VPS13C: variants seen among roughly 807,000 people sequenced by gnomAD.
VPS13C encodes intermembrane lipid transfer protein VPS13C.
Under a neutral mutation model 456.8 loss-of-function variants are expected in VPS13C, and 358 were observed. The ratio of observed to expected loss-of-function variants is 0.78; its 90% CI spans 0.72 to 0.86. The LOEUF (loss-of-function observed/expected upper bound fraction) is 0.86, where lower values mean the gene tolerates loss of function less well. Ranked by LOEUF, VPS13C falls within the 40% of genes least tolerant of loss-of-function variation. The probability of loss-of-function intolerance (pLI) is 0.00; values close to 1 mark genes in which losing one functional copy is unlikely to be tolerated. For missense variants in VPS13C, 4,818 were observed against 4,385.4 expected (o/e 1.10, Z -2.79); for synonymous variants, 1,578 against 1,486.7 (o/e 1.06, Z -1.41).
At position 62,013,931 on chromosome 15, in the gene VPS13C, A is replaced by AC; in HGVS notation, c.744+1dup. Reference sequence around the variant, plus strand: ...ACAAAAATTTTTATTCCAACATAATACCTTGTATATAATTTTGTCTGCTTC... The same window carrying AC: ...ACAAAAATTTTTATTCCAACATAATACCCTTGTATATAATTTTGTCTGCTTC... On this transcript the variant is annotated splice_donor_variant, in intron 10 of 84. Transcript: ENST00000644861. LOFTEE classifies it high-confidence loss of function. 1.2e-6 allele frequency: 2 copies of AC among 1,603,180 alleles called. No individual in the cohort carries two copies. Among genetic ancestry groups the AC allele is most frequent in the Non-Finnish European group, 1.7e-6 (2 of 1,174,090 alleles).
intron 66 of VPS13C, among the ~76,000 whole-genome samples, chr15:61,891,414 A>T (rs772013423): frequency 3.3e-5 from 5 of 152,194 alleles, no homozygotes; most frequent in Non-Finnish European, 7.3e-5. Flanking sequence ...AAGGTACATT[A>T]TGTGATCAAA....
intron 3 of VPS13C, among the ~76,000 whole-genome samples, chr15:62,039,366 A>T (rs1033657432): frequency 6.6e-6 from 1 of 152,174 alleles, no homozygotes; most frequent in Non-Finnish European, 1.5e-5. Flanking sequence ...TCTCACTTAC[A>T]AGTAGGAGCT....
At chr15:61,920,467 T>A (rs780621321) in intron 56 of VPS13C, 31 bp downstream of exon 56, 1 of 1,502,984 alleles carries the variant, frequency 6.7e-7, no homozygotes, top group East Asian at 2.3e-5. Context: ...AAAATTCCAC[T>A]TGAAATATTC....
intron 66 of VPS13C, 164 bp downstream of exon 66, chr15:61,907,100 G>T: frequency 1.1e-6 from 1 of 888,282 alleles, no homozygotes; most frequent in Non-Finnish European, 1.8e-6. Context: ...TAATATACTG[G>T]TTTGAACTAC....
chr15:61,916,070 AT>A, intron 60 of VPS13C, 48 bp from the exon 61 acceptor site: 1 of 1,508,320 alleles, frequency 6.6e-7, no homozygotes, highest in Non-Finnish European at 8.8e-7. Context: ...AAACTCTGAA[AT>A]AACAAAATTC....
At chr15:61,928,700 C>T (rs573467967) in intron 51 of VPS13C, among the ~76,000 whole-genome samples, 10 of 151,898 alleles carry the variant, frequency 6.6e-5, no homozygotes, top group South Asian at 6.2e-4. Context: ...GGAAACATGG[C>T]GAAGCCCCAT....
intron 18 of VPS13C, among the ~76,000 whole-genome samples, chr15:61,987,511 G>A (rs545883621): frequency 6.6e-6 from 1 of 152,194 alleles, no homozygotes; most frequent in East Asian, 1.9e-4. Flanking sequence ...TCACTATCAC[G>A]ACAACAGTAT....
intron 2 of VPS13C, among the ~76,000 whole-genome samples, chr15:62,043,231 C>CA (rs2048297807): frequency 6.6e-6 from 1 of 152,190 alleles, no homozygotes; most frequent in Admixed American, 6.5e-5. Context: ...ATTCAAGCCA[C>CA]AAAGACACAG....
rs777282501 is a variant in VPS13C at position 61,868,743 on chromosome 15, G to C, written c.10779C>G (p.Ser3593Arg). 4.3e-6 allele frequency: 7 copies of C among 1,614,072 alleles called. No homozygotes were observed. The highest frequency in any genetic ancestry group is 5.1e-6 in the Non-Finnish European group (6 of 1,180,008). ...CATGGATCAGGCGAGGGGGACGGAG[G>C]CTAGATACTTCCTCAGTTGATTCTG... ...RAAESTEEVS[S>R]LRPPRLIHED... The change falls in exon 81 of 85, where the codon AGC (serine) becomes AGG (arginine). Residue 3593 changes from serine to arginine, a missense_variant. Coordinates refer to ENST00000644861, the MANE Select transcript of VPS13C (RefSeq NM_020821.3).
chr15:62,046,987 T>A (rs1411108117), intron 1 of VPS13C, among the ~76,000 whole-genome samples: 1 of 152,114 alleles, frequency 6.6e-6, no homozygotes, highest in African/African-American at 2.4e-5. Context: ...TAGATTTTTT[T>A]ATGTGAAATT....
intron 35 of VPS13C, among the ~76,000 whole-genome samples, chr15:61,961,115 G>A (rs2045183099): frequency 2.0e-5 from 3 of 151,498 alleles, no homozygotes; most frequent in African/African-American, 2.4e-5. Context: ...TGGGCCAGGC[G>A]CGGTGGCTCA....
At position 61,950,374 on chromosome 15, in the gene VPS13C, G is replaced by T; in HGVS notation, c.4580C>A (p.Thr1527Asn). The T allele has an allele frequency of 6.2e-7, 1 of 1,611,790 alleles. No homozygotes were observed. The change falls in exon 41 of 85, where the codon ACC becomes AAC. Residue 1527 changes from threonine (T) to asparagine (N), a missense_variant. By Grantham distance (65) the Thr-to-Asn change is moderately conservative. This residue lies in a region of VPS13C where 4,552 missense variants were observed against 4,130.6 expected (regional missense o/e 1.10). Transcript: ENST00000644861. Reference protein sequence around the residue: ...GPEFKTIHDSTKQRLKVSFAS... With the variant: ...GPEFKTIHDSNKQRLKVSFAS... ...AAGTTTTACCTTCAGTCTCTGTTTG[G>T]TACTGTCATGAATAGTTTTAAATTC...
chr15:61,874,919 C>T lies in VPS13C; in HGVS notation c.10371G>A (p.Glu3457=), dbSNP rs1314272560. ...GAVQGPEEFA[E]GLVIGVRSLF... Reference sequence around the variant, plus strand: ...GGCTTCTCACTCCAATCACTAACCCCTCTGCAAATTCTTCAGGGCCTTGAA... The same window carrying T: ...GGCTTCTCACTCCAATCACTAACCCTTCTGCAAATTCTTCAGGGCCTTGAA... Residue 3457 remains glutamate, a synonymous_variant, in exon 77 of 85, where the codon GAG becomes GAA. Coordinates refer to ENST00000644861, the MANE Select transcript of VPS13C (RefSeq NM_020821.3). 2.5e-6 allele frequency: 4 copies of T among 1,591,124 alleles called. No homozygotes were observed. The highest frequency in any genetic ancestry group is 1.3e-5 in the African/African-American group (1 of 74,188).
At position 61,867,641 on chromosome 15, in the gene VPS13C, G is replaced by T; in HGVS notation, c.10863+1018C>A. 8.5e-7 allele frequency: 1 copy of T among 1,180,494 alleles called. No individual in the cohort carries two copies. 73.1% of individuals were successfully genotyped at this position (1,180,494 alleles called of 1,614,324 possible). ...TTTCGAAATGATAGTAACAGTATCTGCTTCTGAGCTCAATAAAGGCTTTCA... is the reference window on the plus strand; with the variant it reads ...TTTCGAAATGATAGTAACAGTATCTTCTTCTGAGCTCAATAAAGGCTTTCA... On this transcript the variant is annotated intron_variant, in intron 81 of 84. Coordinates refer to ENST00000644861, the MANE Select transcript of VPS13C (RefSeq NM_020821.3). This position sits in a 1 kb window ranked among gnomAD's most constrained non-coding sequence, Gnocchi z 5.0.
intron 15 of VPS13C, among the ~76,000 whole-genome samples, chr15:62,000,991 C>T (rs1452421312): frequency 1.3e-5 from 2 of 152,154 alleles, no homozygotes; most frequent in Non-Finnish European, 2.9e-5. Flanking sequence ...CTTATCATTA[C>T]ATAGCCATTG....
intron 22 of VPS13C, among the ~76,000 whole-genome samples, chr15:61,979,523 G>A (rs921415073): frequency 3.3e-5 from 5 of 152,152 alleles, no homozygotes; most frequent in Non-Finnish European, 5.9e-5. Context: ...TGGGAACAGT[G>A]CCCCAAAGAA....
At chr15:61,971,624 G>C (rs577476559) in intron 27 of VPS13C, among the ~76,000 whole-genome samples, 1 of 152,310 alleles carries the variant, frequency 6.6e-6, no homozygotes, top group African/African-American at 2.4e-5. Flanking sequence ...TGGAAGCAAA[G>C]ACAGTTAAGA....
chr15:61,855,278 C>T (rs888238834), intron 83 of VPS13C, among the ~76,000 whole-genome samples: 2 of 152,154 alleles, frequency 1.3e-5, no homozygotes, highest in Non-Finnish European at 2.9e-5. Context: ...TCCTTCATTT[C>T]TTTGGCTGAT....
At chr15:61,911,417 T>A (rs2140146886) in intron 63 of VPS13C, among the ~76,000 whole-genome samples, 1 of 152,340 alleles carries the variant, frequency 6.6e-6, no homozygotes, top group Middle Eastern at 3.4e-3. Context: ...TTCAAAGAAA[T>A]TTCCAGCTCA....
Sources: allele counts gnomAD v4.1 joint callset (sites outside exome capture counted in the v4.1 genomes callset), GRCh38; gene constraint gnomAD v4.1.1; regional missense constraint gnomAD v4.1.1; non-coding constraint Gnocchi (gnomAD v3.1); transcripts MANE v1.5; gene names NCBI Gene and HGNC (gene_info 2026-07-23, HGNC 2026-07-21).